ARFGEF1: variants seen among roughly 807,000 people sequenced by gnomAD.
ARFGEF1 encodes brefeldin A-inhibited guanine nucleotide-exchange protein 1.
Under a neutral mutation model 231.0 loss-of-function variants are expected in ARFGEF1, and 42 were observed. That is an observed-to-expected ratio of 0.18 (90% confidence interval 0.14 to 0.24). ARFGEF1 has a LOEUF of 0.24. Among genes scored for constraint, ARFGEF1 ranks in the 10% least tolerant of loss-of-function variants. The pLI is 1.00. For missense variants in ARFGEF1, 1,345 were observed against 2,192.0 expected, an observed-to-expected ratio of 0.61 and a Z score of 7.72; for synonymous variants, 710 against 732.3, an observed-to-expected ratio of 0.97 and a Z score of 0.49.
chr8:67,299,252 T>G lies in ARFGEF1; in HGVS notation c.416A>C (p.Gln139Pro). The part of the protein sequence containing the change: ...RIIETICGCF[Q>P]GPQTDEGVQL... ...AACTCCTTCATCTGTCTGAGGGCCC[T>G]GAAAGCAGCCACATATTGTTTCAAT... The change falls in exon 4 of 39, where the codon CAG becomes CCG. Residue 139 changes from glutamine to proline, a missense_variant. Physicochemically the swap from Gln to Pro is moderately conservative, Grantham distance 76. Transcript: ENST00000262215. The G allele has an allele frequency of 6.3e-7, 1 of 1,592,490 alleles. No homozygotes were observed. The highest frequency in any genetic ancestry group is 8.6e-7 in the Non-Finnish European group (1 of 1,167,138).
Position 67,266,113 on chromosome 8 carries a change from T to A in ARFGEF1, c.2016A>T (p.Ser672=). The change falls in exon 14 of 39, where the codon TCA becomes TCT. Residue 672 remains serine (S), a synonymous_variant. Transcript: ENST00000262215. ...YGSLNSLEST[S]SSGIGSYSTQ... is the part of the protein sequence containing the mutation. ...TACTGTAGCTGCCTATTCCTGATGA[T>A]GATGTTGACTCCAGGGAATTTAAAC... The A allele has an allele frequency of 6.2e-7, 1 of 1,613,892 alleles. No homozygotes were observed. The highest frequency in any genetic ancestry group is 8.5e-7 in the Non-Finnish European group (1 of 1,179,854).
chr8:67,255,145 A>AT (rs1840414557), intron 17 of ARFGEF1, among the ~76,000 whole-genome samples: 1 of 152,234 alleles, frequency 6.6e-6, no homozygotes, highest in South Asian at 2.1e-4. Context: ...TGGGTTAGGG[A>AT]TCCCATACGT....
chr8:67,278,408 G>A (rs1259417970), intron 7 of ARFGEF1, among the ~76,000 whole-genome samples: 1 of 152,162 alleles, frequency 6.6e-6, no homozygotes, highest in Non-Finnish European at 1.5e-5. Context: ...TACTCAATAA[G>A]TGGTAGTTAT....
At chr8:67,288,955 A>C (rs902455372) in intron 6 of ARFGEF1, among the ~76,000 whole-genome samples, 30 of 152,060 alleles carry the variant, frequency 2.0e-4, no homozygotes, top group African/African-American at 6.0e-4. Flanking sequence ...AAAAACAAAA[A>C]AAACAAAAAA....
chr8:67,239,331 A>C (rs1254272706), intron 20 of ARFGEF1, among the ~76,000 whole-genome samples: 1 of 152,004 alleles, frequency 6.6e-6, no homozygotes, highest in African/African-American at 2.4e-5. Context: ...TTTGCCTATT[A>C]AACCTCCACT....
chr8:67,223,807 G>C (rs930548709), intron 29 of ARFGEF1, among the ~76,000 whole-genome samples: 2 of 152,126 alleles, frequency 1.3e-5, no homozygotes, highest in African/African-American at 4.8e-5. Flanking sequence ...TATGTCAGCC[G>C]CTCCACTGAG....
rs778208022 is a variant in ARFGEF1 at position 67,228,121 on chromosome 8, G to T, written c.3433C>A (p.Arg1145Ser). ...TCCATAGACACAGCACAGAGCCAACGGACAAAATCCACTGTAATATAAATA... is the reference window on the plus strand; with the variant it reads ...TCCATAGACACAGCACAGAGCCAACTGACAAAATCCACTGTAATATAAATA... The part of the protein sequence containing the change: ...LDGNAIVDFV[R>S]WLCAVSMDEL... Residue 1145 changes from arginine (R) to serine (S), a missense_variant, in exon 25 of 39, where the codon CGT becomes AGT. Physicochemically the swap from Arg to Ser is moderately radical, Grantham distance 110. This residue lies in a region of ARFGEF1 where 146 missense variants were observed against 321.4 expected (regional missense o/e 0.45). Transcript: ENST00000262215. 5 of 1,610,186 alleles carry T rather than the reference G, an allele frequency of 3.1e-6. No individual in the cohort carries two copies. Among genetic ancestry groups the T allele is most frequent in the Non-Finnish European group, 4.2e-6 (5 of 1,178,720 alleles).
intron 19 of ARFGEF1, among the ~76,000 whole-genome samples, chr8:67,247,753 T>C (rs771063750): frequency 6.6e-6 from 1 of 150,442 alleles, no homozygotes; most frequent in Non-Finnish European, 1.5e-5. Context: ...ACATCCGAAC[T>C]TGAAAGGAAG....
At chr8:67,327,200 TTC>T (rs1807873432) in intron 1 of ARFGEF1, among the ~76,000 whole-genome samples, 1 of 152,246 alleles carries the variant, frequency 6.6e-6, no homozygotes, top group South Asian at 2.1e-4. Context: ...TGTGTATGTT[TTC>T]TTTTTCCTCT....
At chr8:67,301,744 G>GT (rs546127329) in intron 2 of ARFGEF1, among the ~76,000 whole-genome samples, 1 of 152,056 alleles carries the variant, frequency 6.6e-6, no homozygotes, top group Non-Finnish European at 1.5e-5. Flanking sequence ...GTCAAAGTGA[G>GT]TTTTTTTAGT....
chr8:67,225,591 A>G (rs1839345301), intron 28 of ARFGEF1, among the ~76,000 whole-genome samples: 1 of 152,196 alleles, frequency 6.6e-6, no homozygotes, highest in African/African-American at 2.4e-5. Context: ...ATTCTCATCC[A>G]TAGTCAGTCA....
downstream of ARFGEF1, chr8:67,193,700 T>C (rs1354373333): frequency 5.4e-6 from 6 of 1,115,624 alleles, no homozygotes; most frequent in East Asian, 1.2e-4. Flanking sequence ...ATAGATGGAA[T>C]GAGTTTGAAG....
intron 14 of ARFGEF1, among the ~76,000 whole-genome samples, chr8:67,265,637 C>A (rs141473334): frequency 4.0e-4 from 61 of 152,054 alleles, no homozygotes; most frequent in African/African-American, 1.4e-3. Context: ...AAATGTAAGA[C>A]CTATAAAGGA....
In ARFGEF1 at chr8:67,239,296, A is replaced by G. The variant is rs1380027113; in HGVS notation, c.2980-403T>C. Among the ~76,000 whole-genome samples the G allele has an allele frequency of 2.0e-5, 3 of 152,042 alleles. No individual in the cohort carries two copies. The East Asian group carries it at 5.8e-4, about 29-fold the overall frequency. ...GCTGGGATTACAGGCTTGAGCCACC[A>G]TGCCTGGCCCTCCTTTCCCTTTCTT... On this transcript the variant is annotated intron_variant, in intron 20 of 38. Transcript: ENST00000262215.
intron 5 of ARFGEF1, among the ~76,000 whole-genome samples, chr8:67,189,460 A>T (rs1563795030): frequency 6.6e-6 from 1 of 152,248 alleles, no homozygotes; most frequent in Non-Finnish European, 1.5e-5. Flanking sequence ...AACCATGAAA[A>T]GGCATGGAAG....
At chr8:67,319,517 A>G (rs909766776) in intron 1 of ARFGEF1, among the ~76,000 whole-genome samples, 4 of 151,936 alleles carry the variant, frequency 2.6e-5, no homozygotes, top group African/African-American at 7.2e-5. Context: ...AAAAAAAAAA[A>G]ACTCTTGACC....
intron 1 of ARFGEF1, among the ~76,000 whole-genome samples, chr8:67,303,707 C>A (rs1806606087): frequency 6.7e-6 from 1 of 150,132 alleles, no homozygotes; most frequent in Non-Finnish European, 1.5e-5. Flanking sequence ...GAGTGAGACT[C>A]CATCTCTTAA....
intron 23 of ARFGEF1, among the ~76,000 whole-genome samples, chr8:67,230,510 T>C (rs911792277): frequency 3.3e-5 from 5 of 152,062 alleles, no homozygotes; most frequent in African/African-American, 1.2e-4. Flanking sequence ...ACAATGAATA[T>C]ATCAGAGGTA....
At chr8:67,194,098 C>T (rs1837193791), downstream of ARFGEF1, among the ~76,000 whole-genome samples, 2 of 152,128 alleles carry the variant, frequency 1.3e-5, no homozygotes, top group Admixed American at 1.3e-4. Flanking sequence ...TTGTGACTTG[C>T]AGGTTAAAGC....
Sources: gnomAD v4.1 joint callset for allele counts (sites outside exome capture counted in the v4.1 genomes callset) on GRCh38, gnomAD v4.1.1 for gene constraint, gnomAD v4.1.1 regional missense constraint, MANE v1.5 for transcripts, NCBI Gene and HGNC (gene_info 2026-07-23, HGNC 2026-07-21) for gene names.